Variants in PTPRT observed in about 807,000 individuals in gnomAD.
PTPRT encodes receptor-type tyrosine-protein phosphatase T.
In PTPRT, 56 loss-of-function variants were observed where a neutral mutation model predicts 176.8. The ratio of observed to expected loss-of-function variants is 0.32; its 90% CI spans 0.26 to 0.40. The LOEUF (loss-of-function observed/expected upper bound fraction) is 0.40, where lower values mean the gene tolerates loss of function less well. Among genes scored for constraint, PTPRT ranks in the 10% least tolerant of loss-of-function variants. The pLI, the probability that PTPRT is intolerant of heterozygous loss-of-function variation, is 1.00. For synonymous variants in PTPRT, 783 were observed against 739.0 expected (o/e 1.06, Z -0.96); for missense variants, 1,540 against 1,908.2 (o/e 0.81, Z 3.60).
At position 42,469,289 on chromosome 20, in the gene PTPRT, C is replaced by T. The variant is rs1028988555; in HGVS notation, c.1450+2977G>A. ...CGCGATCTCGGCTCACTGCAACCTC[C>T]GCCTCCCAGGTTCAAGCGATTCTCC... On this transcript the variant is annotated intron_variant, in intron 8 of 30. Coordinates refer to ENST00000373187, the MANE Select transcript of PTPRT (RefSeq NM_007050.6). Among the ~76,000 whole-genome samples the T allele has an allele frequency of 6.6e-5, 10 of 152,252 alleles. 1 individual carries two copies. The highest frequency in any genetic ancestry group is 4.4e-5 in the Non-Finnish European group (3 of 68,002).
rs140895329 is a variant in PTPRT at position 42,898,664 on chromosome 20, G to A, written c.89-12732C>T. 5.3e-3 allele frequency among the ~76,000 whole-genome samples: 804 copies of A among 152,236 alleles called. 9 individuals are homozygous for A. The highest frequency in any genetic ancestry group is 0.018 in the African/African-American group (759 of 41,530). ...TCTACATGGTCTGCTATGGGCCTCT[G>A]CCTGGTGCATTTGTACATTATGAAA... On this transcript the variant is annotated intron_variant, in intron 1 of 30. Transcript: ENST00000373187.
chr20:43,141,854 G>C (rs6072997), intron 1 of PTPRT, among the ~76,000 whole-genome samples: 72,771 of 152,072 alleles, frequency 0.48, 19,873 homozygotes, highest in Non-Finnish European at 0.63. Context: ...GAGACTTCTA[G>C]TGCCCGTGGT....
At chr20:42,270,503 G>C in intron 13 of PTPRT, 8 of 1,507,482 alleles carry the variant, frequency 5.3e-6, no homozygotes, top group Non-Finnish European at 7.2e-6. Flanking sequence ...GAGAAGGAGA[G>C]AAAGAAACAC....
At chr20:42,465,616 TA>T (rs976617208) in intron 8 of PTPRT, among the ~76,000 whole-genome samples, 3 of 152,172 alleles carry the variant, frequency 2.0e-5, no homozygotes, top group African/African-American at 4.8e-5. Flanking sequence ...AAGTATTACA[TA>T]TTTTTTTGCA....
At chr20:42,229,253 G>C (rs1303549515) in intron 15 of PTPRT, among the ~76,000 whole-genome samples, 1 of 152,198 alleles carries the variant, frequency 6.6e-6, no homozygotes, top group Admixed American at 6.5e-5. Flanking sequence ...TGGGGGGTGA[G>C]GCTCAGGAAT....
intron 1 of PTPRT, among the ~76,000 whole-genome samples, chr20:42,988,227 C>T (rs1983709050): frequency 6.6e-6 from 1 of 152,144 alleles, no homozygotes; most frequent in African/African-American, 2.4e-5. Flanking sequence ...GTTACCAAAA[C>T]AAAGAATGGC....
chr20:42,800,519 C>T (rs2077515358), intron 2 of PTPRT, among the ~76,000 whole-genome samples: 1 of 152,172 alleles, frequency 6.6e-6, no homozygotes, highest in Non-Finnish European at 1.5e-5. Flanking sequence ...TCCCTTGCTT[C>T]TGCAGCTCTA....
At chr20:42,087,872 C>CAA (rs56235565) in intron 27 of PTPRT, among the ~76,000 whole-genome samples, 2,468 of 88,828 alleles carry the variant, frequency 0.028, 75 homozygotes, top group Non-Finnish European at 0.04. Context: ...GACTCCATTT[C>CAA]AAAAAAAAAA....
At chr20:43,016,460 C>G (rs1472039912) in intron 1 of PTPRT, among the ~76,000 whole-genome samples, 1 of 151,736 alleles carries the variant, frequency 6.6e-6, no homozygotes, top group African/African-American at 2.4e-5. Context: ...CATCAGCGTC[C>G]CCTCCTTTCC....
intron 1 of PTPRT, among the ~76,000 whole-genome samples, chr20:43,037,179 T>C (rs1986416724): frequency 6.6e-6 from 1 of 152,188 alleles, no homozygotes; most frequent in South Asian, 2.1e-4. Flanking sequence ...TAGCTCCCTG[T>C]AAAGGAGAAA....
intron 14 of PTPRT, among the ~76,000 whole-genome samples, chr20:42,237,929 T>C (rs539145957): frequency 4.9e-4 from 74 of 152,340 alleles, no homozygotes; most frequent in South Asian, 1.2e-3. Context: ...CCCATTTGCT[T>C]GGTACAGGAA....
chr20:42,390,796 C>G (rs1428284738), intron 9 of PTPRT, among the ~76,000 whole-genome samples: 1 of 152,184 alleles, frequency 6.6e-6, no homozygotes, highest in Non-Finnish European at 1.5e-5. Context: ...CTGACTCTCA[C>G]AAACTGTTTA....
At chr20:42,387,404 C>G (rs2058755093) in intron 9 of PTPRT, among the ~76,000 whole-genome samples, 1 of 152,174 alleles carries the variant, frequency 6.6e-6, no homozygotes, top group South Asian at 2.1e-4. Context: ...AGCAGGCTGG[C>G]TACAGGGTGT....
chr20:42,261,368 C>T (rs2056746010), intron 13 of PTPRT, among the ~76,000 whole-genome samples: 1 of 149,256 alleles, frequency 6.7e-6, no homozygotes, highest in Non-Finnish European at 1.5e-5. Context: ...ACCCTTCTGA[C>T]TTTATCTAAA....
chr20:42,173,738 T>A (rs1001160491), intron 16 of PTPRT, among the ~76,000 whole-genome samples: 1 of 152,198 alleles, frequency 6.6e-6, no homozygotes, highest in African/African-American at 2.4e-5. Context: ...ATCCTGGAAG[T>A]ATTTTGTTGC....
intron 7 of PTPRT, among the ~76,000 whole-genome samples, chr20:42,584,380 A>C (rs1368387150): frequency 2.0e-5 from 3 of 151,956 alleles, no homozygotes; most frequent in African/African-American, 7.3e-5. Context: ...AACATACCAA[A>C]CATGGTCCTC....
At chr20:42,370,533 T>C (rs945664149) in intron 9 of PTPRT, among the ~76,000 whole-genome samples, 13 of 152,174 alleles carry the variant, frequency 8.5e-5, no homozygotes, top group African/African-American at 2.9e-4. Flanking sequence ...TGATTAACAA[T>C]GTAAGCCACT....
chr20:43,014,783 G>C (rs2146161391), intron 1 of PTPRT, among the ~76,000 whole-genome samples: 1 of 152,216 alleles, frequency 6.6e-6, no homozygotes, highest in East Asian at 1.9e-4. Context: ...AAATAAAAAG[G>C]GTAAAAGAGG....
chr20:43,061,946 C>T (rs1432647732), intron 1 of PTPRT, among the ~76,000 whole-genome samples: 1 of 152,158 alleles, frequency 6.6e-6, no homozygotes, highest in Non-Finnish European at 1.5e-5. Flanking sequence ...TTGACTGATA[C>T]AACAATGGGT....
Sources: allele counts gnomAD v4.1 joint callset (sites outside exome capture counted in the v4.1 genomes callset), GRCh38; gene constraint gnomAD v4.1.1; transcripts MANE v1.5; gene names NCBI Gene and HGNC (gene_info 2026-07-23, HGNC 2026-07-21).